The following ADGRL2 variants were observed in gnomAD, a reference collection of about 807,000 sequenced individuals.
ADGRL2 encodes the protein calcium-independent alpha-latrotoxin receptor 2.
A neutral mutation model predicts 157.4 loss-of-function variants in ADGRL2; 44 were observed. The ratio of observed to expected loss-of-function variants is 0.28; its 90% CI spans 0.22 to 0.36. The LOEUF is 0.36. ADGRL2 is among the 10% of genes least tolerant of loss of function. ADGRL2 has a pLI of 1.00. For missense variants in ADGRL2, 1,510 were observed against 1,768.9 expected (o/e 0.85, Z 2.63); for synonymous variants, 585 against 624.7 (o/e 0.94, Z 0.95).
intron 1 of ADGRL2, among the ~76,000 whole-genome samples, chr1:81,747,056 A>G (rs1426322381): frequency 4.8e-5 from 7 of 147,232 alleles, no homozygotes; most frequent in African/African-American, 1.5e-4. Context: ...ATATACGTAT[A>G]TACACATGTG....
At chr1:81,865,541 T>C (rs2093516505) in intron 2 of ADGRL2, among the ~76,000 whole-genome samples, 1 of 152,188 alleles carries the variant, frequency 6.6e-6, no homozygotes, top group South Asian at 2.1e-4. Flanking sequence ...TAATTCTTAA[T>C]TTATTATGTT....
chr1:81,663,604 T>C (rs1489685997), intron 3 of ADGRL2, among the ~76,000 whole-genome samples: 2 of 152,208 alleles, frequency 1.3e-5, no homozygotes, highest in African/African-American at 4.8e-5. Flanking sequence ...ACTTGGTAAG[T>C]GTGTGCTGGT....
chr1:81,716,362 C>T lies in ADGRL2; in HGVS notation c.-143+16554C>T, dbSNP rs965474884. Among the ~76,000 whole-genome samples, 14 of 152,122 alleles carry T rather than the reference C, an allele frequency of 9.2e-5. No homozygotes were observed. The East Asian group carries it at 2.5e-3, about 27-fold the overall frequency. The stretch of plus-strand genomic sequence containing the variant: ...AATGGTTACAATAATACTTACTCCC[C>T]GGTGTTATTCTGAGTACTAAATGAG... On this transcript the variant is annotated intron_variant, in intron 1 of 20. Coordinates refer to the ADGRL2 transcript ENST00000359929.
At chr1:81,715,132 T>G (rs2084066837) in intron 1 of ADGRL2, among the ~76,000 whole-genome samples, 1 of 151,878 alleles carries the variant, frequency 6.6e-6, no homozygotes, top group Non-Finnish European at 1.5e-5. Context: ...CTTTGGCTGC[T>G]CCTGATCATA....
At chr1:81,910,961 C>T (rs1008455982) in intron 3 of ADGRL2, among the ~76,000 whole-genome samples, 2 of 151,460 alleles carry the variant, frequency 1.3e-5, no homozygotes, top group Non-Finnish European at 2.9e-5. Context: ...TAGAGATGGG[C>T]ATAGAAATTT....
At chr1:81,919,700 A>C (rs923151216) in intron 3 of ADGRL2, among the ~76,000 whole-genome samples, 2 of 152,130 alleles carry the variant, frequency 1.3e-5, no homozygotes, top group African/African-American at 4.8e-5. Flanking sequence ...TCTTATCATT[A>C]ATTAATAGAA....
At chr1:81,537,963 G>A (rs928734738) in intron 2 of ADGRL2, among the ~76,000 whole-genome samples, 1 of 152,112 alleles carries the variant, frequency 6.6e-6, no homozygotes, top group Non-Finnish European at 1.5e-5. Context: ...GTCTTCCAAA[G>A]TGCTGGGATT....
chr1:81,793,295 C>T (rs1265595648), intron 2 of ADGRL2, among the ~76,000 whole-genome samples: 1 of 152,090 alleles, frequency 6.6e-6, no homozygotes, highest in Non-Finnish European at 1.5e-5. Flanking sequence ...AAGGGAATTG[C>T]ATCTTTAATC....
intron 2 of ADGRL2, among the ~76,000 whole-genome samples, chr1:81,774,574 A>C (rs1270037784): frequency 6.6e-6 from 1 of 152,174 alleles, no homozygotes; most frequent in East Asian, 1.9e-4. Flanking sequence ...ATATGTTCAC[A>C]AGTTGATCTT....
intron 1 of ADGRL2, among the ~76,000 whole-genome samples, chr1:81,741,298 A>G (rs1363868006): frequency 6.6e-6 from 1 of 152,064 alleles, no homozygotes; most frequent in Non-Finnish European, 1.5e-5. Flanking sequence ...CTATGAATTT[A>G]GAGTCATCTT....
chr1:81,402,437 A>G (rs2076773600), intron 1 of ADGRL2, among the ~76,000 whole-genome samples: 1 of 152,170 alleles, frequency 6.6e-6, no homozygotes. Context: ...ATGCACACCA[A>G]GAGAATCCAC....
intron 2 of ADGRL2, among the ~76,000 whole-genome samples, chr1:81,485,514 G>C (rs552905181): frequency 6.6e-6 from 1 of 152,058 alleles, no homozygotes; most frequent in African/African-American, 2.4e-5. Context: ...TATATAAATG[G>C]TATTTCATAT....
chr1:81,888,651 C>G (rs1422079901), intron 2 of ADGRL2, among the ~76,000 whole-genome samples: 2 of 152,060 alleles, frequency 1.3e-5, no homozygotes, highest in Non-Finnish European at 2.9e-5. Context: ...ACCTTGGCAC[C>G]TTAGTAGACC....
At chr1:81,585,398 G>A (rs2081005571) in intron 3 of ADGRL2, among the ~76,000 whole-genome samples, 1 of 152,060 alleles carries the variant, frequency 6.6e-6, no homozygotes, top group Non-Finnish European at 1.5e-5. Flanking sequence ...AGTTCAAACT[G>A]CATTGATTCA....
chr1:81,909,010 G>A (rs1422814394), intron 3 of ADGRL2, among the ~76,000 whole-genome samples: 1 of 151,742 alleles, frequency 6.6e-6, no homozygotes, highest in African/African-American at 2.4e-5. Context: ...GAGTAGCTGG[G>A]ATTACAGGTG....
intron 2 of ADGRL2, among the ~76,000 whole-genome samples, chr1:81,540,853 C>T (rs1426183650): frequency 6.6e-6 from 1 of 151,600 alleles, no homozygotes; most frequent in Non-Finnish European, 1.5e-5. Context: ...AAAGAGAAAG[C>T]AGAGAGACCA....
intron 2 of ADGRL2, among the ~76,000 whole-genome samples, chr1:81,501,333 C>G (rs1450744924): frequency 6.6e-6 from 1 of 152,178 alleles, no homozygotes; most frequent in Non-Finnish European, 1.5e-5. Flanking sequence ...AACAACTGAT[C>G]GGTGTACTAT....
intron 1 of ADGRL2, among the ~76,000 whole-genome samples, chr1:81,321,367 G>A (rs1458824099): frequency 6.6e-6 from 1 of 152,090 alleles, no homozygotes; most frequent in Non-Finnish European, 1.5e-5. Flanking sequence ...CATTTCCTTT[G>A]CATTCCCAAG....
In ADGRL2 at chr1:81,943,918, G is replaced by A; in HGVS notation, c.1210+149G>A. On this transcript the variant is annotated intron_variant, in intron 6 of 23. Transcript: ENST00000686636. The surrounding 1 kb of genome is among the most constrained non-coding windows in gnomAD (Gnocchi z 5.6). ...TTGTGGTACATTTTAGCCTTATTAT[G>A]GTTCGTTTTCTTTTTCTCAATTTCT... is the stretch of plus-strand genomic sequence containing the variant. The A allele has an allele frequency of 1.6e-6, 1 of 615,628 alleles. No homozygotes were observed. Among genetic ancestry groups the A allele is most frequent in the Non-Finnish European group, 2.7e-6 (1 of 364,672 alleles). 38.1% of individuals were successfully genotyped at this position (615,628 alleles called of 1,614,324 possible).
Sources: allele counts gnomAD v4.1 joint callset (sites outside exome capture counted in the v4.1 genomes callset), GRCh38; gene constraint gnomAD v4.1.1; non-coding constraint Gnocchi (gnomAD v3.1); transcripts MANE v1.5; gene names NCBI Gene and HGNC (gene_info 2026-07-23, HGNC 2026-07-21).